The following HDGFL3 variants were observed in gnomAD, a reference collection of about 807,000 sequenced individuals.
The protein encoded by HDGFL3 is hepatoma-derived growth factor-related protein 3.
Under a neutral mutation model 27.6 loss-of-function variants are expected in HDGFL3, and 6 were observed. The observed-to-expected ratio is 0.22, with a 90% CI of 0.12 to 0.43. The LOEUF is 0.43. Ranked by LOEUF, HDGFL3 falls within the 20% of genes least tolerant of loss-of-function variation. The pLI, the probability that HDGFL3 is intolerant of heterozygous loss-of-function variation, is 1.00. For missense variants in HDGFL3, 207 were observed against 250.1 expected, an observed-to-expected ratio of 0.83 and a Z score of 1.16; for synonymous variants, 88 against 88.9, an observed-to-expected ratio of 0.99 and a Z score of 0.05.
chr15:83,146,329 G>T (rs1380230188), intron 5 of HDGFL3, among the ~76,000 whole-genome samples: 1 of 152,096 alleles, frequency 6.6e-6, no homozygotes, highest in East Asian at 1.9e-4. Context: ...CAGGGCCATG[G>T]GTACTAAATG....
chr15:83,201,884 T>C (rs1047834153), intron 1 of HDGFL3, among the ~76,000 whole-genome samples: 5 of 152,178 alleles, frequency 3.3e-5, no homozygotes, highest in South Asian at 2.1e-4. Flanking sequence ...AAAGTGAAAG[T>C]AGTCCCTGGG....
chr15:83,157,926 C>T lies in HDGFL3; in HGVS notation c.277G>A (p.Gly93Arg). The change falls in exon 3 of 6, where the codon GGA becomes AGA. Residue 93 changes from glycine to arginine, a missense_variant. Physicochemically the swap from Gly to Arg is moderately radical, Grantham distance 125. Transcript: ENST00000299633. Reference sequence around the variant, plus strand: ...ACCTGGTAGCCAGTAAACTTTACTCCTGGGTTATTTTCTATTTCCCACAAT... The same window carrying T: ...ACCTGGTAGCCAGTAAACTTTACTCTTGGGTTATTTTCTATTTCCCACAAT... ...EGLWEIENNP[G>R]VKFTGYQAIQ... is the part of the protein sequence containing the mutation. 4 of 1,612,190 alleles carry T rather than the reference C, an allele frequency of 2.5e-6. No individual in the cohort carries two copies. Among genetic ancestry groups the T allele is most frequent in the South Asian group, 1.1e-5 (1 of 90,958 alleles).
downstream of HDGFL3, chr15:83,124,886 T>A (rs897142224): frequency 1.1e-6 from 1 of 928,220 alleles, no homozygotes; most frequent in Non-Finnish European, 1.7e-6. Context: ...CTTAGCAAAC[T>A]AACAAACCAT....
rs1388902934 is a variant in HDGFL3 at position 83,137,745 on chromosome 15, CCCTTAGCTG to C, written c.*1516_*1524del. 2 of 152,124 alleles carry C rather than the reference CCCTTAGCTG, an allele frequency of 1.3e-5. No homozygotes were observed. The highest frequency in any genetic ancestry group is 2.4e-5 in the African/African-American group (1 of 41,438). 9.4% of individuals were successfully genotyped at this position (152,124 alleles called of 1,614,324 possible). On this transcript the variant is annotated 3_prime_UTR_variant, in exon 6 of 6. Transcript: ENST00000299633. The stretch of plus-strand genomic sequence containing the variant: ...TGATAAATGGACTGGTGCTTTCATA[CCCTTAGCTG>C]CCATCATCACCATCATCATTATTAA...
At chr15:83,176,666 G>A (rs2037315388) in intron 1 of HDGFL3, among the ~76,000 whole-genome samples, 1 of 152,148 alleles carries the variant, frequency 6.6e-6, no homozygotes, top group Admixed American at 6.5e-5. Flanking sequence ...CTTTGGGGAA[G>A]AATCAGTGTT....
At chr15:83,148,971 C>G (rs888647440) in intron 5 of HDGFL3, among the ~76,000 whole-genome samples, 2 of 152,080 alleles carry the variant, frequency 1.3e-5, no homozygotes, top group African/African-American at 2.4e-5. Context: ...TAAATAGATA[C>G]AAGTTAATTG....
intron 3 of HDGFL3, among the ~76,000 whole-genome samples, chr15:83,117,424 G>T (rs1244537105): frequency 6.6e-6 from 1 of 152,154 alleles, no homozygotes; most frequent in South Asian, 2.1e-4. Flanking sequence ...TTGCCTATGA[G>T]AAGGTAGAGA....
chr15:83,191,116 GT>G (rs2037506155), intron 1 of HDGFL3, among the ~76,000 whole-genome samples: 1 of 152,018 alleles, frequency 6.6e-6, no homozygotes, highest in Admixed American at 6.5e-5. Flanking sequence ...TATTCTGCTG[GT>G]TAATACATCT....
chr15:83,180,643 ATTTTTTTT>A (rs34952033), intron 1 of HDGFL3, among the ~76,000 whole-genome samples: 5 of 126,368 alleles, frequency 4.0e-5, no homozygotes, highest in South Asian at 2.5e-4. Flanking sequence ...TAACTTATCA[ATTTTTTTT>A]TTTTTTTTTT....
intron 1 of HDGFL3, among the ~76,000 whole-genome samples, chr15:83,187,714 C>A (rs931929509): frequency 3.3e-5 from 5 of 151,910 alleles, no homozygotes; most frequent in African/African-American, 1.2e-4. Context: ...CATGGAGAAA[C>A]CCCGTCTCCA....
In HDGFL3 at chr15:83,137,394, T is replaced by TA. The variant is rs1180743881; in HGVS notation, c.*1875dup. The TA allele has an allele frequency of 6.6e-6, 1 of 152,162 alleles. No homozygotes were observed. The highest frequency in any genetic ancestry group is 1.5e-5 in the Non-Finnish European group (1 of 67,996). 9.4% of individuals were successfully genotyped at this position (152,162 alleles called of 1,614,324 possible). On this transcript the variant is annotated 3_prime_UTR_variant, in exon 6 of 6. Transcript: ENST00000299633. ...ATCTTATTAAATTTGAAACATTTCA[T>TA]ATATACACATAAAACGCTTTTAAAG...
At chr15:83,126,127 A>G (rs1278826258), downstream of HDGFL3, among the ~76,000 whole-genome samples, 5 of 152,010 alleles carry the variant, frequency 3.3e-5, no homozygotes, top group African/African-American at 1.2e-4. Context: ...GATTGGGGCC[A>G]TTTTTACCAA....
Position 83,129,526 on chromosome 15 carries a change from C to T in HDGFL3, c.*9744G>A, listed in dbSNP as rs2036057455. ...CAATTTAAAGATGAGGAGGCTGAGGCTCAGTCCACCTGAAATTATTTGCCT... is the reference window on the plus strand; with the variant it reads ...CAATTTAAAGATGAGGAGGCTGAGGTTCAGTCCACCTGAAATTATTTGCCT... On this transcript the variant is annotated 3_prime_UTR_variant, in exon 6 of 6. Coordinates refer to ENST00000299633, the MANE Select transcript of HDGFL3 (RefSeq NM_016073.4). 6.6e-6 allele frequency: 1 copy of T among 152,180 alleles called. No individual in the cohort carries two copies. The highest frequency in any genetic ancestry group is 1.5e-5 in the Non-Finnish European group (1 of 68,042). The allele number at this position is 152,180 out of a possible 1,614,324, so 9.4% of individuals were successfully genotyped here. A position where few individuals can be genotyped will look rare whatever the true frequency, so the allele number is the denominator to read the frequency against.
At chr15:83,175,121 T>C (rs968791124) in intron 1 of HDGFL3, among the ~76,000 whole-genome samples, 5 of 152,346 alleles carry the variant, frequency 3.3e-5, no homozygotes, top group African/African-American at 9.6e-5. Flanking sequence ...AGACAAAGAA[T>C]GTGCTCTCAA....
chr15:83,169,192 C>T (rs924642669), intron 1 of HDGFL3: 56 of 440,514 alleles, frequency 1.3e-4, no homozygotes, highest in African/African-American at 8.9e-4. Context: ...GCATGCCCCT[C>T]GAGAATTGAA....
chr15:83,194,938 GA>G (rs1230953591), intron 1 of HDGFL3, among the ~76,000 whole-genome samples: 1 of 152,124 alleles, frequency 6.6e-6, no homozygotes, highest in Non-Finnish European at 1.5e-5. Context: ...TGCCTGCAGG[GA>G]AGGAAAAAGC....
chr15:83,143,089 C>T (rs2036813418), intron 5 of HDGFL3, among the ~76,000 whole-genome samples: 1 of 152,102 alleles, frequency 6.6e-6, no homozygotes. Flanking sequence ...AATCTCAGCT[C>T]ACTGCAATCT....
intron 5 of HDGFL3, among the ~76,000 whole-genome samples, chr15:83,150,224 A>T (rs534795636): frequency 1.3e-5 from 2 of 152,194 alleles, no homozygotes; most frequent in Non-Finnish European, 2.9e-5. Flanking sequence ...CTACTTGCAT[A>T]TTGAAGCGAC....
exon 4 of HDGFL3, chr15:83,113,093 C>G: frequency 1.2e-5 from 7 of 593,990 alleles, no homozygotes; most frequent in Non-Finnish European, 2.1e-5. Context: ...TCCACCCTCT[C>G]CCAGGTGGCA....
Sources: gnomAD v4.1 joint callset for allele counts (sites outside exome capture counted in the v4.1 genomes callset) on GRCh38, gnomAD v4.1.1 for gene constraint, MANE v1.5 for transcripts, NCBI Gene and HGNC (gene_info 2026-07-23, HGNC 2026-07-21) for gene names.